The following MROH9 variants were observed in gnomAD, a reference collection of about 807,000 sequenced individuals.
The protein encoded by MROH9 is maestro heat like repeat family member 9, also known as maestro heat-like repeat-containing protein family member 9.
MROH9 carries 92 observed loss-of-function variants against 98.2 expected under a neutral mutation model. The ratio of observed to expected loss-of-function variants is 0.94; its 90% confidence interval spans 0.79 to 1.11. The LOEUF (loss-of-function observed/expected upper bound fraction) is 1.11. Ranked by LOEUF, MROH9 falls within the 50% of genes most tolerant of loss-of-function variation. The pLI, the probability that MROH9 is intolerant of heterozygous loss-of-function variation, is 0.00. For missense variants in MROH9, 1,057 were observed against 1,014.8 expected, an observed-to-expected ratio of 1.04 and a Z score of -0.57; for synonymous variants, 397 against 368.9, an observed-to-expected ratio of 1.08 and a Z score of -0.87.
intron 15 of MROH9, among the ~76,000 whole-genome samples, chr1:171,009,613 G>A (rs77766166): frequency 0.019 from 2,827 of 152,260 alleles, 106 homozygotes; most frequent in African/African-American, 0.065. Context: ...AACATTGTAA[G>A]TATAAACTCA....
chr1:170,998,137 CTTA>C lies in MROH9; in HGVS notation c.1476-14_1476-12del. ...GTTTTCTCCTTTGCTAATTCAGTGC[CTTA>C]TTCTCTTTTACAGAACTCTCAGTGA... On this transcript the variant is annotated splice_polypyrimidine_tract_variant and intron_variant, in intron 14 of 21. Transcript: ENST00000367759. 1 of 1,581,464 alleles carries C rather than the reference CTTA, an allele frequency of 6.3e-7. No individual in the cohort carries two copies. Among genetic ancestry groups the C allele is most frequent in the Non-Finnish European group, 8.6e-7 (1 of 1,166,402 alleles).
At chr1:171,061,342 C>T (rs1051263700) in intron 20 of MROH9, among the ~76,000 whole-genome samples, 1 of 152,018 alleles carries the variant, frequency 6.6e-6, no homozygotes, top group Non-Finnish European at 1.5e-5. Context: ...ATAAGCATAC[C>T]CGGTAAATCC....
chr1:170,973,489 A>G (rs377391560), intron 8 of MROH9, among the ~76,000 whole-genome samples: 2 of 152,072 alleles, frequency 1.3e-5, no homozygotes, highest in South Asian at 4.1e-4. Flanking sequence ...TTAATTACCT[A>G]CCAAAACAAA....
At chr1:171,057,007 G>T (rs1653858059) in intron 20 of MROH9, among the ~76,000 whole-genome samples, 1 of 152,206 alleles carries the variant, frequency 6.6e-6, no homozygotes, top group Non-Finnish European at 1.5e-5. Context: ...TCACAAAGAT[G>T]AGAAAGAATC....
rs948704254 is a variant in MROH9 at position 171,047,038 on chromosome 1, T to C, written c.2282-15094T>C. The stretch of plus-strand genomic sequence containing the variant: ...CACTAAAAGTCTGCTGCCAGATGTA[T>C]TGGAGTTCCATTGTATATTATGTGT... On this transcript the variant is annotated intron_variant, in intron 20 of 21. Coordinates refer to ENST00000367759, the MANE Select transcript of MROH9 (RefSeq NM_001163629.2). 2.0e-5 allele frequency among the ~76,000 whole-genome samples: 3 copies of C among 152,226 alleles called. No individual in the cohort carries two copies. In the East Asian group the frequency reaches 5.8e-4, roughly 29 times the overall value.
chr1:170,973,365 A>T (rs537790716), intron 8 of MROH9, among the ~76,000 whole-genome samples: 2 of 152,212 alleles, frequency 1.3e-5, no homozygotes, highest in Non-Finnish European at 2.9e-5. Context: ...ACCGAGGTAC[A>T]GTACTCAGAC....
At chr1:171,057,764 G>T (rs1309407858) in intron 20 of MROH9, among the ~76,000 whole-genome samples, 1 of 152,116 alleles carries the variant, frequency 6.6e-6, no homozygotes, top group African/African-American at 2.4e-5. Context: ...ACGAAGAGTG[G>T]ACCACTCAGC....
rs1486160640 is a variant in MROH9 at position 170,989,895 on chromosome 1, A to G, written c.920A>G (p.Asp307Gly). Residue 307 changes from aspartate to glycine, a missense_variant, in exon 11 of 22, where the codon GAT (aspartate) becomes GGT (glycine). Coordinates refer to ENST00000367759, the MANE Select transcript of MROH9 (RefSeq NM_001163629.2). ...IVDAIYRQLC[D>G]NNCMKDVMLQ... ...GATGCTATTTACAGGCAACTGTGTG[A>G]TAACAATTGTATGAAGGATGTTATG... 2.5e-6 allele frequency: 4 copies of G among 1,611,472 alleles called. No homozygotes were observed. In the East Asian group the frequency reaches 8.9e-5, roughly 36 times the overall value.
At chr1:171,037,186 G>A (rs1360466170) in intron 20 of MROH9, among the ~76,000 whole-genome samples, 1 of 151,186 alleles carries the variant, frequency 6.6e-6, no homozygotes, top group Non-Finnish European at 1.5e-5. Flanking sequence ...CCCATTTATA[G>A]TAGGTAAAAA....
intron 3 of MROH9, 148 bp from the exon 4 acceptor site, chr1:170,958,313 C>A (rs1649859964): frequency 2.1e-6 from 1 of 469,534 alleles, no homozygotes; most frequent in Non-Finnish European, 3.9e-6. Context: ...TTGGTCTCAA[C>A]ACTTCTATGA....
intron 7 of MROH9, among the ~76,000 whole-genome samples, chr1:170,967,584 T>C (rs1355831354): frequency 2.0e-5 from 3 of 152,194 alleles, no homozygotes; most frequent in African/African-American, 7.2e-5. Flanking sequence ...CTACACTGGA[T>C]AGACTTTTTT....
At chr1:171,016,660 C>T (rs1420066966) in intron 17 of MROH9, among the ~76,000 whole-genome samples, 1 of 152,098 alleles carries the variant, frequency 6.6e-6, no homozygotes, top group Non-Finnish European at 1.5e-5. Context: ...CTATGAAACA[C>T]TGAGTGAGTG....
intron 20 of MROH9, among the ~76,000 whole-genome samples, chr1:171,056,701 C>A (rs943153526): frequency 6.6e-6 from 1 of 152,166 alleles, no homozygotes; most frequent in Non-Finnish European, 1.5e-5. Context: ...GTCAGAAACC[C>A]TACACAGGAG....
intron 15 of MROH9, among the ~76,000 whole-genome samples, chr1:171,004,563 C>T (rs548290066): frequency 6.6e-6 from 1 of 152,304 alleles, no homozygotes; most frequent in East Asian, 1.9e-4. Flanking sequence ...GGAGGGTCTC[C>T]CTTTCTCACT....
At chr1:171,036,274 T>C (rs1403102553) in intron 20 of MROH9, among the ~76,000 whole-genome samples, 1 of 152,140 alleles carries the variant, frequency 6.6e-6, no homozygotes, top group African/African-American at 2.4e-5. Flanking sequence ...GTCTTGTGTC[T>C]TGACCTTAGA....
intron 9 of MROH9, among the ~76,000 whole-genome samples, chr1:170,985,463 T>C (rs1374231608): frequency 6.6e-6 from 1 of 152,186 alleles, no homozygotes; most frequent in Non-Finnish European, 1.5e-5. Flanking sequence ...TACGTGTAGA[T>C]AATATTTTAC....
At position 170,961,900 on chromosome 1, in the gene MROH9, A is replaced by G. The variant is rs764149882; in HGVS notation, c.299A>G (p.His100Arg). ...EYIEDMENLY[H>R]NILNIYENIL... ...GTTTTTGTGTTTCAGAATTTATACC[A>G]CAATATTTTAAATATATATGAGAAC... Residue 100 changes from histidine to arginine, a missense_variant, in exon 6 of 22, where the codon CAC becomes CGC. Coordinates refer to ENST00000367759, the MANE Select transcript of MROH9 (RefSeq NM_001163629.2). 6.7e-7 allele frequency: 1 copy of G among 1,486,502 alleles called. No homozygotes were observed. Among genetic ancestry groups the G allele is most frequent in the South Asian group, 1.3e-5 (1 of 77,212 alleles). 92.1% of individuals were successfully genotyped at this position (1,486,502 alleles called of 1,614,324 possible).
chr1:170,959,103 C>T (rs1173741798), intron 4 of MROH9, among the ~76,000 whole-genome samples: 14 of 152,202 alleles, frequency 9.2e-5, no homozygotes, highest in South Asian at 4.1e-4. Context: ...GGGCCAGGCA[C>T]GGTGGCTCAC....
chr1:170,982,809 C>T (rs1650986254), intron 8 of MROH9, among the ~76,000 whole-genome samples: 1 of 152,100 alleles, frequency 6.6e-6, no homozygotes, highest in South Asian at 2.1e-4. Flanking sequence ...GTGAGAAGAT[C>T]AGTTGAGCCC....
Sources: gnomAD v4.1 joint callset for allele counts (sites outside exome capture counted in the v4.1 genomes callset) on GRCh38, gnomAD v4.1.1 for gene constraint, MANE v1.5 for transcripts, NCBI Gene and HGNC (gene_info 2026-07-23, HGNC 2026-07-21) for gene names.